The following ARB2A variants were observed in gnomAD, a reference collection of about 807,000 sequenced individuals.
The protein encoded by ARB2A is cotranscriptional regulator ARB2A.
chr5:94,017,409 T>C, the ARB2A span, among the ~76,000 whole-genome samples: 1 of 152,172 alleles, frequency 6.6e-6, no homozygotes, highest in African/African-American at 2.4e-5. Context: ...GATATGGGAA[T>C]GTTATGGGTG....
the ARB2A span, among the ~76,000 whole-genome samples, chr5:94,001,088 C>T: frequency 6.6e-6 from 1 of 152,026 alleles, no homozygotes; most frequent in Admixed American, 6.6e-5. Context: ...ATTATCAGTC[C>T]TCCAACTTGG....
chr5:93,661,287 T>C, the ARB2A span, among the ~76,000 whole-genome samples: 1 of 152,160 alleles, frequency 6.6e-6, no homozygotes, highest in East Asian at 1.9e-4. Flanking sequence ...AAGTTAACAT[T>C]TAAGCAATGG....
the ARB2A span, among the ~76,000 whole-genome samples, chr5:93,956,059 A>ATGAAGAT: frequency 6.6e-6 from 1 of 152,276 alleles, no homozygotes; most frequent in South Asian, 2.1e-4. Flanking sequence ...ACATTATGCA[A>ATGAAGAT]TGAAGATTGT....
chr5:93,847,696 G>GTAA, the ARB2A span, among the ~76,000 whole-genome samples: 2 of 152,028 alleles, frequency 1.3e-5, no homozygotes, highest in African/African-American at 4.8e-5. Context: ...CAGGTATTAC[G>GTAA]TACATATATT....
the ARB2A span, among the ~76,000 whole-genome samples, chr5:93,856,744 G>A: frequency 7.9e-5 from 12 of 151,866 alleles, no homozygotes; most frequent in Admixed American, 4.6e-4. Flanking sequence ...CCTGTAGCTC[G>A]TAGTAGTTTG....
chr5:93,863,427 A>C, the ARB2A span: 2 of 151,006 alleles, frequency 1.3e-5, no homozygotes, highest in Admixed American at 6.6e-5. Context: ...CTAATTATCT[A>C]TATATATATA....
the ARB2A span, among the ~76,000 whole-genome samples, chr5:94,011,934 G>GAAAAA: frequency 1.3e-4 from 2 of 15,124 alleles, no homozygotes; most frequent in Admixed American, 7.5e-4. Flanking sequence ...TTAAAGGGTA[G>GAAAAA]ACAAAAAAAA....
chr5:93,908,176 G>A, the ARB2A span, among the ~76,000 whole-genome samples: 5 of 150,850 alleles, frequency 3.3e-5, no homozygotes, highest in Non-Finnish European at 1.5e-5. Context: ...GAAAATAAAG[G>A]ACTTTTAAAT....
At chr5:93,811,657 C>A in the ARB2A span, among the ~76,000 whole-genome samples, 3 of 151,890 alleles carry the variant, frequency 2.0e-5, no homozygotes, top group African/African-American at 7.3e-5. Context: ...ATACTTTTAA[C>A]GGGAAAAATA....
At chr5:93,858,057 A>G in the ARB2A span, among the ~76,000 whole-genome samples, 1 of 152,238 alleles carries the variant, frequency 6.6e-6, no homozygotes, top group African/African-American at 2.4e-5. Flanking sequence ...ATCAGCAAAG[A>G]GAAAAGGCAC....
the ARB2A span, among the ~76,000 whole-genome samples, chr5:93,926,970 G>A: frequency 6.6e-6 from 1 of 151,080 alleles, no homozygotes; most frequent in Non-Finnish European, 1.5e-5. Flanking sequence ...AGATTCAACT[G>A]TGTTGGAATT....
At chr5:94,109,993 T>G in the ARB2A span, among the ~76,000 whole-genome samples, 1 of 147,658 alleles carries the variant, frequency 6.8e-6, no homozygotes, top group Non-Finnish European at 1.5e-5. Context: ...CAAGCAATTC[T>G]CCTGCCTCAG....
chr5:93,941,495 T>A, the ARB2A span, among the ~76,000 whole-genome samples: 1 of 152,260 alleles, frequency 6.6e-6, no homozygotes, highest in African/African-American at 2.4e-5. Flanking sequence ...TTTAAACTCA[T>A]CTCAACCTCC....
chr5:93,809,043 A>G, the ARB2A span, among the ~76,000 whole-genome samples: 3 of 152,040 alleles, frequency 2.0e-5, no homozygotes, highest in African/African-American at 7.2e-5. Flanking sequence ...ACTTTCAATC[A>G]GGTATGTAGC....
chr5:94,001,617 G>C, the ARB2A span, among the ~76,000 whole-genome samples: 2 of 151,972 alleles, frequency 1.3e-5, no homozygotes, highest in African/African-American at 4.8e-5. Flanking sequence ...ACTGATAAAA[G>C]GCATTCATTT....
the ARB2A span, among the ~76,000 whole-genome samples, chr5:93,806,601 CA>C: frequency 4.6e-5 from 7 of 151,860 alleles, no homozygotes; most frequent in Admixed American, 1.3e-4. Context: ...ATTATCTAAC[CA>C]CTTGAGGTTA....
chr5:93,877,740 G>C, the ARB2A span, among the ~76,000 whole-genome samples: 1 of 152,106 alleles, frequency 6.6e-6, no homozygotes. Context: ...GGGGTCATCG[G>C]TTATAGTGAG....
At chr5:93,937,652 G>T in the ARB2A span, among the ~76,000 whole-genome samples, 4 of 151,810 alleles carry the variant, frequency 2.6e-5, no homozygotes, top group Non-Finnish European at 4.4e-5. Context: ...TATCCATGGG[G>T]TATACATATA....
At chr5:93,656,514 C>A in the ARB2A span, among the ~76,000 whole-genome samples, 1 of 152,092 alleles carries the variant, frequency 6.6e-6, no homozygotes, top group Non-Finnish European at 1.5e-5. Flanking sequence ...ATAGTATTCT[C>A]ACGAAAAAGC....
Sources: gnomAD v4.1 joint callset for allele counts (sites outside exome capture counted in the v4.1 genomes callset) on GRCh38, gnomAD v4.1.1 for gene constraint, MANE v1.5 for transcripts, NCBI Gene and HGNC (gene_info 2026-07-23, HGNC 2026-07-21) for gene names.